RGL1: variants seen among roughly 807,000 people sequenced by gnomAD.
RGL1 encodes ral guanine nucleotide dissociation stimulator like 1.
A neutral mutation model predicts 95.2 loss-of-function variants in RGL1; 24 were observed. The observed-to-expected ratio is 0.25, with a 90% CI of 0.18 to 0.35. RGL1 has a LOEUF of 0.35. RGL1 is among the 10% of genes least tolerant of loss of function. The pLI is 1.00. For missense variants in RGL1, 715 were observed against 936.3 expected (o/e 0.76, Z 3.08); for synonymous variants, 329 against 344.9 (o/e 0.95, Z 0.51).
chr1:183,776,189 C>A (rs921856935), intron 2 of RGL1, among the ~76,000 whole-genome samples: 3 of 146,062 alleles, frequency 2.1e-5, no homozygotes, highest in African/African-American at 7.6e-5. Flanking sequence ...CGCTCTGTCG[C>A]CCAGGCTGGA....
chr1:183,806,228 C>T lies in RGL1; in HGVS notation c.28-147C>T, dbSNP rs1239698977. 18 of 577,648 alleles carry T rather than the reference C, an allele frequency of 3.1e-5. No homozygotes were observed. In the East Asian group the frequency reaches 5.0e-4, roughly 16 times the overall value. The allele number at this position is 577,648 out of a possible 1,614,324, so 35.8% of individuals were successfully genotyped here. On this transcript the variant is annotated intron_variant, in intron 1 of 17. Transcript: ENST00000360851. ...CAGCATTCCCTCTATCAAAATGTGT[C>T]TTGTATTGCGGATTGTAATATTTAT...
intron 1 of RGL1, among the ~76,000 whole-genome samples, chr1:183,658,095 G>A (rs894757898): frequency 6.6e-6 from 1 of 152,170 alleles, no homozygotes; most frequent in African/African-American, 2.4e-5. Context: ...GGCCGAATAG[G>A]AACAGCTCCA....
At chr1:183,897,354 C>T (rs762296534) in intron 9 of RGL1, among the ~76,000 whole-genome samples, 2 of 151,812 alleles carry the variant, frequency 1.3e-5, no homozygotes, top group Non-Finnish European at 2.9e-5. Context: ...GCCAACATGG[C>T]GAAACCCCAT....
chr1:183,760,593 AC>A (rs148634667), intron 2 of RGL1, among the ~76,000 whole-genome samples: 24,041 of 111,932 alleles, frequency 0.21, 4,306 homozygotes, highest in East Asian at 0.46. Flanking sequence ...AAAAAAAAAA[AC>A]AAACCTGGGT....
At position 183,805,226 on chromosome 1, in the gene RGL1, C is replaced by T; in HGVS notation, c.-72C>T. 1 of 1,591,606 alleles carries T rather than the reference C, an allele frequency of 6.3e-7. No homozygotes were observed. Among genetic ancestry groups the T allele is most frequent in the Non-Finnish European group, 8.5e-7 (1 of 1,169,780 alleles). ...GGGGCGAGGCGCCGCGGGGCTGAGC[C>T]CAGCAGACATTGCGTTGGCCTCCGA... is the stretch of plus-strand genomic sequence containing the variant. On this transcript the variant is annotated 5_prime_UTR_variant, in exon 1 of 18. Transcript: ENST00000360851.
intron 2 of RGL1, among the ~76,000 whole-genome samples, chr1:183,814,440 CACAG>C (rs1661946221): frequency 6.6e-6 from 1 of 152,122 alleles, no homozygotes; most frequent in Admixed American, 6.6e-5. Context: ...TTTAAACTCT[CACAG>C]ACTCATTACC....
chr1:183,667,625 C>G (rs1652134299), intron 1 of RGL1, among the ~76,000 whole-genome samples: 1 of 152,088 alleles, frequency 6.6e-6, no homozygotes, highest in Admixed American at 6.5e-5. Context: ...TGCGCCCAGC[C>G]AGATCATTGA....
chr1:183,710,217 C>A, intron 1 of RGL1: 1 of 192,834 alleles, frequency 5.2e-6, no homozygotes, highest in Non-Finnish European at 1.1e-5. Flanking sequence ...GATGCACACT[C>A]TTACCAGTGC....
chr1:183,809,072 C>T (rs116250202), intron 2 of RGL1, among the ~76,000 whole-genome samples: 1,731 of 152,286 alleles, frequency 0.011, 31 homozygotes, highest in African/African-American at 0.039. Flanking sequence ...GCTATGATCT[C>T]ACTGATAAAC....
chr1:183,896,177 A>G (rs969579522), intron 9 of RGL1, among the ~76,000 whole-genome samples: 2 of 152,210 alleles, frequency 1.3e-5, no homozygotes, highest in Non-Finnish European at 2.9e-5. Context: ...AGAATTTCGG[A>G]GGACTCACAA....
At chr1:183,654,456 A>G (rs1650994026) in intron 1 of RGL1, among the ~76,000 whole-genome samples, 1 of 152,212 alleles carries the variant, frequency 6.6e-6, no homozygotes, top group Non-Finnish European at 1.5e-5. Flanking sequence ...TATTGCAAAC[A>G]TTACTTTAAA....
At chr1:183,783,539 A>G (rs1452063745) in intron 2 of RGL1, among the ~76,000 whole-genome samples, 1 of 152,176 alleles carries the variant, frequency 6.6e-6, no homozygotes, top group Non-Finnish European at 1.5e-5. Context: ...AGCTTGCTCA[A>G]TAATAATCCT....
intron 1 of RGL1, among the ~76,000 whole-genome samples, chr1:183,721,496 G>A (rs528106846): frequency 6.6e-6 from 1 of 152,124 alleles, no homozygotes; most frequent in Non-Finnish European, 1.5e-5. Flanking sequence ...TCTTTCAAAG[G>A]CTCAATAGTA....
chr1:183,895,425 A>T (rs1667637005), intron 9 of RGL1, among the ~76,000 whole-genome samples: 1 of 152,148 alleles, frequency 6.6e-6, no homozygotes, highest in Non-Finnish European at 1.5e-5. Context: ...AGGGGGAGAT[A>T]AAAGGAGAGA....
chr1:183,819,016 C>T (rs1425012165), intron 2 of RGL1, among the ~76,000 whole-genome samples: 2 of 152,114 alleles, frequency 1.3e-5, no homozygotes, highest in Non-Finnish European at 2.9e-5. Context: ...AGAGTTAATC[C>T]ATATACTTCT....
intron 2 of RGL1, among the ~76,000 whole-genome samples, chr1:183,814,862 G>C (rs960330950): frequency 2.6e-5 from 4 of 152,206 alleles, no homozygotes; most frequent in African/African-American, 9.6e-5. Flanking sequence ...GCTAGAGTCT[G>C]TGGACAATAT....
intron 1 of RGL1, among the ~76,000 whole-genome samples, chr1:183,733,570 G>A (rs1331743848): frequency 6.6e-6 from 1 of 152,142 alleles, no homozygotes; most frequent in Non-Finnish European, 1.5e-5. Context: ...CCTCTCCCCT[G>A]CTGGATGAGT....
chr1:183,691,368 G>A (rs1032945306), intron 1 of RGL1, among the ~76,000 whole-genome samples: 2 of 152,130 alleles, frequency 1.3e-5, no homozygotes, highest in African/African-American at 2.4e-5. Flanking sequence ...TGAGTGTTAC[G>A]CTATCACATG....
At chr1:183,884,667 C>A (rs1572551938) in intron 6 of RGL1, 56 bp from the exon 7 acceptor site, 1 of 1,448,864 alleles carries the variant, frequency 6.9e-7, no homozygotes, top group Non-Finnish European at 9.7e-7. Context: ...AGATGACATG[C>A]TTTGCCATAT....
Sources: gnomAD v4.1 joint callset for allele counts (sites outside exome capture counted in the v4.1 genomes callset) on GRCh38, gnomAD v4.1.1 for gene constraint, MANE v1.5 for transcripts, NCBI Gene and HGNC (gene_info 2026-07-23, HGNC 2026-07-21) for gene names.